Variants in SNRK observed in about 807,000 individuals in gnomAD.
The protein encoded by SNRK is SNF-related serine/threonine-protein kinase.
A neutral mutation model predicts 48.2 loss-of-function variants in SNRK; 3 were observed. The ratio of observed to expected loss-of-function variants is 0.06; its 90% CI spans 0.03 to 0.16. The LOEUF (loss-of-function observed/expected upper bound fraction) is 0.16. SNRK is among the 10% of genes least tolerant of loss of function. The probability of loss-of-function intolerance (pLI) is 1.00; values close to 1 mark genes in which losing one functional copy is unlikely to be tolerated. For synonymous variants in SNRK, 376 were observed against 366.1 expected (o/e 1.03, Z -0.31); for missense variants, 627 against 976.0 (o/e 0.64, Z 4.76).
chr3:43,333,195 C>T (rs1360380710), intron 4 of SNRK: 2 of 151,686 alleles, frequency 1.3e-5, no homozygotes, highest in East Asian at 3.9e-4. Context: ...CATGGTGAAA[C>T]CCCGTCTCTA....
intron 1 of SNRK, among the ~76,000 whole-genome samples, chr3:43,298,172 T>G (rs993638803): frequency 1.3e-5 from 2 of 152,224 alleles, no homozygotes; most frequent in African/African-American, 4.8e-5. Context: ...CATTTTCTAA[T>G]GAAGAAACTG....
chr3:43,318,481 C>T (rs1440177505), intron 3 of SNRK, among the ~76,000 whole-genome samples: 4 of 151,788 alleles, frequency 2.6e-5, no homozygotes, highest in African/African-American at 9.7e-5. Flanking sequence ...GAAGCTGAAT[C>T]AACTTACATT....
intron 3 of SNRK, among the ~76,000 whole-genome samples, chr3:43,320,135 A>G (rs776858114): frequency 5.9e-5 from 9 of 152,194 alleles, no homozygotes; most frequent in Non-Finnish European, 1.0e-4. Flanking sequence ...TTTATATACT[A>G]GATCTCCCAT....
chr3:43,345,214 A>G (rs1191943955), intron 6 of SNRK, among the ~76,000 whole-genome samples: 1 of 152,224 alleles, frequency 6.6e-6, no homozygotes, highest in Non-Finnish European at 1.5e-5. Flanking sequence ...CACAGGGCCC[A>G]CTGGCAGTGG....
chr3:43,318,533 A>G (rs888392706), intron 3 of SNRK, among the ~76,000 whole-genome samples: 5 of 129,420 alleles, frequency 3.9e-5, no homozygotes, highest in African/African-American at 1.3e-4. Flanking sequence ...GGAGTTGAAA[A>G]TATTAAATTT....
intron 2 of SNRK, among the ~76,000 whole-genome samples, chr3:43,300,361 T>C (rs1438621831): frequency 4.6e-5 from 7 of 152,190 alleles, no homozygotes; most frequent in African/African-American, 1.7e-4. Flanking sequence ...AATAAAACTT[T>C]TATTTTCAAA....
At chr3:43,314,655 G>GT (rs1030192184) in intron 3 of SNRK, among the ~76,000 whole-genome samples, 4 of 152,158 alleles carry the variant, frequency 2.6e-5, no homozygotes, top group African/African-American at 9.7e-5. Flanking sequence ...ATGTTAAGAT[G>GT]TTTAAATATT....
chr3:43,322,658 G>A (rs1448689749), intron 3 of SNRK, among the ~76,000 whole-genome samples: 2 of 152,156 alleles, frequency 1.3e-5, no homozygotes, highest in Non-Finnish European at 2.9e-5. Flanking sequence ...CAATGATAAA[G>A]ACTGTATTGG....
chr3:43,331,558 G>A (rs2091146634), intron 3 of SNRK, among the ~76,000 whole-genome samples: 1 of 152,166 alleles, frequency 6.6e-6, no homozygotes. Flanking sequence ...GCTCCATTGA[G>A]TAGTTCCCCA....
At chr3:43,290,998 T>G (rs972521543) in intron 1 of SNRK, among the ~76,000 whole-genome samples, 23 of 152,110 alleles carry the variant, frequency 1.5e-4, no homozygotes, top group African/African-American at 5.3e-4. Context: ...GACACAGTGC[T>G]GTGAGTGAGT....
At chr3:43,345,346 C>A (rs1169310431) in intron 6 of SNRK, among the ~76,000 whole-genome samples, 1 of 152,258 alleles carries the variant, frequency 6.6e-6, no homozygotes. Context: ...AGGTAGAAAC[C>A]TGGACTGAGT....
intron 3 of SNRK, among the ~76,000 whole-genome samples, chr3:43,311,160 TC>T (rs1477772423): frequency 6.6e-6 from 1 of 152,172 alleles, no homozygotes; most frequent in East Asian, 1.9e-4. Flanking sequence ...GAGAGGAACA[TC>T]CTCAACTTGA....
chr3:43,303,270 G>A lies in SNRK; in HGVS notation c.67G>A (p.Gly23Ser), dbSNP rs1462617232. ...AGLYDLDKTL[G>S]RGHFAVVKLA... Reference sequence around the variant, plus strand: ...ATTATATGATCTGGATAAAACCTTGGGTCGAGGCCATTTTGCCGTGGTTAA... The same window carrying A: ...ATTATATGATCTGGATAAAACCTTGAGTCGAGGCCATTTTGCCGTGGTTAA... The change falls in exon 3 of 7, where the codon GGT becomes AGT. Residue 23 changes from glycine (G) to serine (S), a missense_variant. Gly to Ser is a moderately conservative substitution (Grantham distance 56, BLOSUM62 0). This residue lies in a region of SNRK where 147 missense variants were observed against 356.8 expected (regional missense o/e 0.41). Transcript: ENST00000296088. The surrounding 1 kb of genome is among the most constrained non-coding windows in gnomAD (Gnocchi z 6.2). 1 of 1,614,104 alleles carries A rather than the reference G, an allele frequency of 6.2e-7. No individual in the cohort carries two copies. The highest frequency in any genetic ancestry group is 8.5e-7 in the Non-Finnish European group (1 of 1,180,010).
chr3:43,303,227 T>C lies in SNRK; in HGVS notation c.24T>C (p.Tyr8=), dbSNP rs1386284923. The C allele has an allele frequency of 1.2e-6, 2 of 1,613,818 alleles. No homozygotes were observed. The highest frequency in any genetic ancestry group is 1.7e-6 in the Non-Finnish European group (2 of 1,179,724). The change falls in exon 3 of 7, where the codon TAT becomes TAC. Residue 8 remains tyrosine, a synonymous_variant. Transcript: ENST00000296088. The surrounding 1 kb of genome is among the most constrained non-coding windows in gnomAD (Gnocchi z 6.2). ...GCATGGCAGGATTTAAGCGAGGGTA[T>C]GATGGAAAGATTGCTGGATTATATG... MAGFKRG[Y]DGKIAGLYDL... is the part of the protein sequence containing the mutation.
intron 4 of SNRK, among the ~76,000 whole-genome samples, chr3:43,336,790 T>C (rs113299822): frequency 2.0e-5 from 3 of 152,246 alleles, no homozygotes; most frequent in Non-Finnish European, 2.9e-5. Flanking sequence ...CTCGCTCTGT[T>C]GCCCAGGCCG....
chr3:43,308,326 A>G (rs925104561), intron 3 of SNRK, among the ~76,000 whole-genome samples: 4 of 152,242 alleles, frequency 2.6e-5, no homozygotes, highest in Non-Finnish European at 5.9e-5. Context: ...TTTTGATGTA[A>G]CTAAAACAGC....
intron 1 of SNRK, among the ~76,000 whole-genome samples, chr3:43,287,853 C>G (rs1363832674): frequency 6.6e-6 from 1 of 152,172 alleles, no homozygotes; most frequent in Non-Finnish European, 1.5e-5. Context: ...AATTTATAAT[C>G]TCGTTACATT....
chr3:43,293,362 G>A (rs1349274281), intron 1 of SNRK, among the ~76,000 whole-genome samples: 2 of 152,086 alleles, frequency 1.3e-5, no homozygotes, highest in Non-Finnish European at 1.5e-5. Flanking sequence ...AGTATAGTAC[G>A]CAGTGTATTT....
intron 3 of SNRK, among the ~76,000 whole-genome samples, chr3:43,312,243 A>G (rs1468720754): frequency 6.6e-6 from 1 of 152,212 alleles, no homozygotes; most frequent in Non-Finnish European, 1.5e-5. Flanking sequence ...CTCCATATGG[A>G]TACAGTGCAA....
Sources: gnomAD v4.1 joint callset for allele counts (sites outside exome capture counted in the v4.1 genomes callset) on GRCh38, gnomAD v4.1.1 for gene constraint, gnomAD v4.1.1 regional missense constraint, Gnocchi (gnomAD v3.1) non-coding constraint, MANE v1.5 for transcripts, NCBI Gene and HGNC (gene_info 2026-07-23, HGNC 2026-07-21) for gene names.